Variants in GPRC6A observed in about 807,000 individuals in gnomAD.
GPRC6A encodes G protein-coupled receptor family C group 6 member A.
GPRC6A carries 54 observed loss-of-function variants against 47.0 expected under a neutral mutation model. The observed-to-expected ratio is 1.15, with a 90% CI of 0.92 to 1.44. The LOEUF (loss-of-function observed/expected upper bound fraction) is 1.44, where lower values mean the gene tolerates loss of function less well. GPRC6A is among the 40% of genes most tolerant of loss of function. The probability of loss-of-function intolerance (pLI) is 0.00; values close to 1 mark genes in which losing one functional copy is unlikely to be tolerated. For synonymous variants in GPRC6A, 347 were observed against 377.1 expected (o/e 0.92, Z 0.93); for missense variants, 1,112 against 1,105.5 (o/e 1.01, Z -0.08).
chr6:116,808,228 T>C (rs1261297453), intron 2 of GPRC6A, among the ~76,000 whole-genome samples: 6 of 152,122 alleles, frequency 3.9e-5, no homozygotes, highest in Non-Finnish European at 5.9e-5. Context: ...AAGTACCTGA[T>C]GTTGCTATGC....
chr6:116,817,556 G>C (rs1171663342), intron 1 of GPRC6A, among the ~76,000 whole-genome samples: 1 of 152,254 alleles, frequency 6.6e-6, no homozygotes, highest in Non-Finnish European at 1.5e-5. Context: ...GCTGAGAGAA[G>C]AAGGCTTCAG....
chr6:116,805,163 T>C lies in GPRC6A; in HGVS notation c.1335+1207A>G, dbSNP rs1431285226. Among the ~76,000 whole-genome samples the C allele has an allele frequency of 2.0e-5, 3 of 152,136 alleles. No homozygotes were observed. The East Asian group carries it at 5.8e-4, about 29-fold the overall frequency. ...AAGTCATCAGACATAACTATATATA[T>C]ATTAAAAGAGTGTTTGCAATTGAGA... On this transcript the variant is annotated intron_variant, in intron 3 of 5. Coordinates refer to ENST00000310357, the MANE Select transcript of GPRC6A (RefSeq NM_148963.4).
At chr6:116,812,285 A>G (rs1582467830) in intron 1 of GPRC6A, among the ~76,000 whole-genome samples, 4 of 152,168 alleles carry the variant, frequency 2.6e-5, no homozygotes, top group Admixed American at 2.6e-4. Flanking sequence ...ATCCTTCATA[A>G]ATAGAGGAGA....
At chr6:116,807,387 T>G (rs1362768993) in intron 2 of GPRC6A, among the ~76,000 whole-genome samples, 181 bp from the exon 3 acceptor site, 1 of 152,186 alleles carries the variant, frequency 6.6e-6, no homozygotes, top group Non-Finnish European at 1.5e-5. Context: ...TTTCTAATTA[T>G]TTCATATTTT....
intron 4 of GPRC6A, among the ~76,000 whole-genome samples, chr6:116,800,037 C>T (rs1772609745): frequency 6.6e-6 from 1 of 152,012 alleles, no homozygotes; most frequent in South Asian, 2.1e-4. Flanking sequence ...GTACTGATCT[C>T]AGAGGAGAGA....
At chr6:116,804,763 C>T (rs565200584) in intron 3 of GPRC6A, among the ~76,000 whole-genome samples, 39 of 152,178 alleles carry the variant, frequency 2.6e-4, no homozygotes, top group African/African-American at 9.4e-4. Flanking sequence ...AAAATACTTT[C>T]TCTATTTTTC....
chr6:116,805,487 A>G (rs1772807357), intron 3 of GPRC6A, among the ~76,000 whole-genome samples: 1 of 152,026 alleles, frequency 6.6e-6, no homozygotes, highest in Non-Finnish European at 1.5e-5. Context: ...ATTTTGTAAC[A>G]TGATTCTGCC....
intron 1 of GPRC6A, among the ~76,000 whole-genome samples, chr6:116,826,580 G>C (rs1229370484): frequency 2.0e-5 from 3 of 151,354 alleles, no homozygotes; most frequent in African/African-American, 7.3e-5. Flanking sequence ...ATGCAGAAGA[G>C]GGAACTCATC....
intron 1 of GPRC6A, among the ~76,000 whole-genome samples, chr6:116,823,690 A>T (rs1226233943): frequency 6.6e-6 from 1 of 152,082 alleles, no homozygotes; most frequent in Non-Finnish European, 1.5e-5. Context: ...AATACCTGAG[A>T]CTTAGTAATT....
In GPRC6A at chr6:116,793,220, T is replaced by G; in HGVS notation, c.1703A>C (p.Lys568Thr). ...GCTCCTAACAGGGGCCCAGTGAGTT[T>G]TGTTGTTGCATAAAAGGCAGTGAGG... ...DMPHCLLCNNKTHWAPVRSTM... is the reference protein window; with the variant it reads ...DMPHCLLCNNTTHWAPVRSTM... The change falls in exon 6 of 6, where the codon AAA (lysine) becomes ACA (threonine). Residue 568 changes from lysine (K) to threonine (T), a missense_variant. Transcript: ENST00000310357. 1 of 1,602,064 alleles carries G rather than the reference T, an allele frequency of 6.2e-7. No homozygotes were observed. Among genetic ancestry groups the G allele is most frequent in the Non-Finnish European group, 8.5e-7 (1 of 1,175,596 alleles).
At chr6:116,794,178 A>G (rs573964905) in intron 5 of GPRC6A, among the ~76,000 whole-genome samples, 5 of 152,198 alleles carry the variant, frequency 3.3e-5, no homozygotes, top group Non-Finnish European at 7.4e-5. Flanking sequence ...GACACCCCAC[A>G]GCCTGTACAA....
chr6:116,798,884 G>GAA (rs768427367), intron 4 of GPRC6A, among the ~76,000 whole-genome samples: 19 of 110,486 alleles, frequency 1.7e-4, no homozygotes, highest in African/African-American at 4.6e-4. Context: ...ATCCATCTTG[G>GAA]AAAAAAAAAA....
rs41291912 is a variant in GPRC6A, at chr6:116,792,267, T to C, written c.2656A>G (p.Ser886Gly). 420 of 1,614,042 alleles carry C rather than the reference T, an allele frequency of 2.6e-4. No individual in the cohort carries two copies. Among genetic ancestry groups the C allele is most frequent in the Non-Finnish European group, 3.5e-4 (409 of 1,179,948 alleles). Reference protein sequence around the residue: ...GNVTMTNPSSSGKSATWQKSK... With the variant: ...GNVTMTNPSSGGKSATWQKSK... ...TTCTGCCAGGTTGCAGACTTGCCAC[T>C]AGAGCTGGGATTGGTCATTGTGACA... is the stretch of plus-strand genomic sequence containing the variant. The change falls in exon 6 of 6, where the codon AGT becomes GGT. Residue 886 changes from serine to glycine, a missense_variant. Ser to Gly is a moderately conservative substitution (Grantham distance 56). Transcript: ENST00000310357.
chr6:116,816,776 G>A (rs532459256), intron 1 of GPRC6A, among the ~76,000 whole-genome samples: 28 of 152,296 alleles, frequency 1.8e-4, no homozygotes, highest in Admixed American at 3.9e-4. Flanking sequence ...AAGGGGAGAC[G>A]GACGCACCTG....
chr6:116,822,906 A>AAAAG (rs1554191144), intron 1 of GPRC6A, among the ~76,000 whole-genome samples: 8 of 150,700 alleles, frequency 5.3e-5, no homozygotes, highest in East Asian at 1.9e-4. Context: ...AAAAAAAAAA[A>AAAAG]AAAGAAAGAA....
intron 1 of GPRC6A, among the ~76,000 whole-genome samples, chr6:116,825,419 A>T (rs1326875165): frequency 6.6e-6 from 1 of 151,994 alleles, no homozygotes; most frequent in Non-Finnish European, 1.5e-5. Context: ...GGATTTTTGT[A>T]CACCGGTAGT....
At chr6:116,807,803 AC>A (rs1188779987) in intron 2 of GPRC6A, among the ~76,000 whole-genome samples, 1 of 152,154 alleles carries the variant, frequency 6.6e-6, no homozygotes, top group African/African-American at 2.4e-5. Flanking sequence ...CATGAGAACC[AC>A]ATTTGGTCCG....
chr6:116,812,979 G>T (rs1773077637), intron 1 of GPRC6A, among the ~76,000 whole-genome samples: 1 of 152,096 alleles, frequency 6.6e-6, no homozygotes, highest in Non-Finnish European at 1.5e-5. Flanking sequence ...CAAACAGAGA[G>T]ACAAATCATG....
Position 116,828,966 on chromosome 6 carries a change from AG to A in GPRC6A, c.47del (p.Ala16ValfsTer22), listed in dbSNP as rs748966421. 1 of 1,613,090 alleles carries A rather than the reference AG, an allele frequency of 6.2e-7. No homozygotes were observed. On this transcript the variant is annotated frameshift_variant, in exon 1 of 6. Coordinates refer to ENST00000310357, the MANE Select transcript of GPRC6A (RefSeq NM_148963.4). LOFTEE classifies it high-confidence loss of function. Reference protein sequence around the residue: ...ILITCFVIILATSQPCQTPDD... With the variant: ...ILITCFVIILXTSQPCQTPDD... Reference sequence around the variant, plus strand: ...CAGGGGTCTGGCAAGGCTGTGAAGTAGCAAGAATAATCACAAAGCAGGTAAT... The same window carrying A: ...CAGGGGTCTGGCAAGGCTGTGAAGTACAAGAATAATCACAAAGCAGGTAAT...
Sources: allele counts gnomAD v4.1 joint callset (sites outside exome capture counted in the v4.1 genomes callset), GRCh38; gene constraint gnomAD v4.1.1; transcripts MANE v1.5; gene names NCBI Gene and HGNC (gene_info 2026-07-23, HGNC 2026-07-21).